Variants in MYPN observed in about 807,000 individuals in gnomAD.
MYPN encodes myopalladin, also known as sarcomeric protein myopalladin, 145 kDa (MYOP).
In MYPN, 63 loss-of-function variants were observed where a neutral mutation model predicts 129.4. That is an observed-to-expected ratio of 0.49 (90% CI 0.40 to 0.60). The LOEUF is 0.60. Ranked by LOEUF, MYPN falls within the 20% of genes least tolerant of loss-of-function variation. MYPN has a pLI of 0.00. For synonymous variants in MYPN, 629 were observed against 600.9 expected, an observed-to-expected ratio of 1.05 and a Z score of -0.68; for missense variants, 1,596 against 1,635.4, an observed-to-expected ratio of 0.98 and a Z score of 0.42.
chr10:68,143,966 G>A (rs1020448682), intron 3 of MYPN, among the ~76,000 whole-genome samples: 3 of 152,108 alleles, frequency 2.0e-5, no homozygotes, highest in South Asian at 2.1e-4. Flanking sequence ...TGTTGGCCAG[G>A]CTGTTCTTGG....
intron 6 of MYPN, 193 bp from the exon 7 acceptor site, chr10:68,158,293 G>T: frequency 1.7e-6 from 1 of 598,180 alleles, no homozygotes; most frequent in East Asian, 2.9e-5. Flanking sequence ...ACGCTCGCCT[G>T]CTAGAGCCTC....
intron 1 of MYPN, among the ~76,000 whole-genome samples, chr10:68,099,639 C>CA (rs397947044): frequency 0.14 from 19,748 of 139,834 alleles, 1,742 homozygotes; most frequent in African/African-American, 0.26. Context: ...GACTCTGTCT[C>CA]AAAAAAAAAA....
At chr10:68,142,585 G>A (rs996135458) in intron 2 of MYPN, among the ~76,000 whole-genome samples, 2 of 152,190 alleles carry the variant, frequency 1.3e-5, no homozygotes, top group Admixed American at 6.5e-5. Context: ...TCTCATATAA[G>A]CGAATGTAGC....
chr10:68,203,812 T>C (rs117746992), intron 18 of MYPN, among the ~76,000 whole-genome samples: 1,808 of 152,014 alleles, frequency 0.012, 8 homozygotes, highest in Middle Eastern at 0.048. Context: ...TTGAGGAGCA[T>C]GTGGAATGCA....
At chr10:68,142,865 G>T in intron 2 of MYPN, 75 bp from the exon 3 acceptor site, 3 of 1,366,796 alleles carry the variant, frequency 2.2e-6, no homozygotes, top group South Asian at 1.2e-5. Flanking sequence ...GCTCATTTAA[G>T]AGAATATCTG....
At chr10:68,188,128 G>T (rs2043450463) in intron 12 of MYPN, among the ~76,000 whole-genome samples, 1 of 152,054 alleles carries the variant, frequency 6.6e-6, no homozygotes, top group South Asian at 2.1e-4. Flanking sequence ...CTTTTTCTTT[G>T]ACACAGAGTT....
intron 2 of MYPN, among the ~76,000 whole-genome samples, chr10:68,124,857 G>A (rs1257360821): frequency 3.3e-5 from 5 of 152,160 alleles, no homozygotes; most frequent in South Asian, 2.1e-4. Flanking sequence ...TGCTCTGAAC[G>A]TGCCTGATGA....
At chr10:68,136,925 T>C (rs1456497189) in intron 2 of MYPN, among the ~76,000 whole-genome samples, 1 of 152,228 alleles carries the variant, frequency 6.6e-6, no homozygotes, top group Non-Finnish European at 1.5e-5. Flanking sequence ...TATTTACCTC[T>C]AGCTTCTAAA....
At chr10:68,154,161 T>C (rs1398783097) in intron 6 of MYPN, among the ~76,000 whole-genome samples, 1 of 152,198 alleles carries the variant, frequency 6.6e-6, no homozygotes, top group Non-Finnish European at 1.5e-5. Flanking sequence ...AGAGATAGAC[T>C]ATCCTCCATC....
At chr10:68,161,703 G>T in intron 7 of MYPN, 26 bp from the exon 8 acceptor site, 1 of 1,601,938 alleles carries the variant, frequency 6.2e-7, no homozygotes, top group South Asian at 1.1e-5. Flanking sequence ...TAAATGCTCA[G>T]AATCTTTTAC....
chr10:68,169,336 C>T (rs1225642798), intron 10 of MYPN, among the ~76,000 whole-genome samples: 1 of 146,854 alleles, frequency 6.8e-6, no homozygotes, highest in Non-Finnish European at 1.5e-5. Flanking sequence ...CCAGCCTGGG[C>T]AACAGAGTGA....
chr10:68,123,213 A>G (rs944356904), intron 2 of MYPN, among the ~76,000 whole-genome samples: 1 of 151,860 alleles, frequency 6.6e-6, no homozygotes, highest in Non-Finnish European at 1.5e-5. Flanking sequence ...CATCTCTACT[A>G]AAAATACAAA....
chr10:68,119,248 C>T (rs931596285), intron 1 of MYPN, among the ~76,000 whole-genome samples: 2 of 151,942 alleles, frequency 1.3e-5, no homozygotes, highest in Non-Finnish European at 2.9e-5. Context: ...TAATAAATAG[C>T]CATATAGTTC....
At chr10:68,134,876 ACTAC>A (rs2042462928) in intron 2 of MYPN, among the ~76,000 whole-genome samples, 1 of 152,164 alleles carries the variant, frequency 6.6e-6, no homozygotes, top group African/African-American at 2.4e-5. Flanking sequence ...GGTATTAGCC[ACTAC>A]CTACTTATGC....
intron 12 of MYPN, among the ~76,000 whole-genome samples, chr10:68,184,162 T>C (rs1230297371): frequency 6.6e-6 from 1 of 152,256 alleles, no homozygotes; most frequent in Non-Finnish European, 1.5e-5. Flanking sequence ...CTTTTGTTCC[T>C]GGTAATTTGG....
chr10:68,197,481 A>G lies in MYPN; in HGVS notation c.3285+3A>G. On this transcript the variant is annotated splice_donor_region_variant and intron_variant, in intron 16 of 19. Transcript: ENST00000358913. ...GCCTCTGTCGGCTGGACTGTAAGGT[A>G]GACTCCAGCACCCATGCTTAGTTCC... 6.2e-7 allele frequency: 1 copy of G among 1,613,462 alleles called. No homozygotes were observed. Among genetic ancestry groups the G allele is most frequent in the Non-Finnish European group, 8.5e-7 (1 of 1,179,670 alleles).
chr10:68,191,671 C>G (rs1283984203), intron 13 of MYPN, among the ~76,000 whole-genome samples: 6 of 152,156 alleles, frequency 3.9e-5, no homozygotes, highest in Non-Finnish European at 8.8e-5. Flanking sequence ...TGTGTGCCCT[C>G]TTCTATTTCT....
At chr10:68,147,673 C>G (rs1168411850) in intron 4 of MYPN, among the ~76,000 whole-genome samples, 1 of 152,174 alleles carries the variant, frequency 6.6e-6, no homozygotes, top group African/African-American at 2.4e-5. Context: ...GAGCCGTTTA[C>G]CGAGAGAGAT....
In MYPN at chr10:68,182,420, ATATATAAC is replaced by A. The variant is rs1250989519; in HGVS notation, c.2704-6484_2704-6477del. Among the ~76,000 whole-genome samples the A allele has an allele frequency of 4.0e-5, 4 of 99,104 alleles. 1 individual carries two copies. The East Asian group carries it at 1.4e-3, about 35-fold the overall frequency. The allele number at this position is 99,104 out of a possible 152,430, so 65.0% of individuals were successfully genotyped here. ...TATATATAACACATATATATAACAT[ATATATAAC>A]ACATATATATAACATATATATAACA... On this transcript the variant is annotated intron_variant, in intron 12 of 19. Transcript: ENST00000358913.
Sources: allele counts gnomAD v4.1 joint callset (sites outside exome capture counted in the v4.1 genomes callset), GRCh38; gene constraint gnomAD v4.1.1; transcripts MANE v1.5; gene names NCBI Gene and HGNC (gene_info 2026-07-23, HGNC 2026-07-21).